The following SUGCT variants were observed in gnomAD, a reference collection of about 807,000 sequenced individuals.
SUGCT encodes succinyl-CoA:glutarate-CoA transferase.
A neutral mutation model predicts 55.0 loss-of-function variants in SUGCT; 41 were observed. That is an observed-to-expected ratio of 0.74 (90% CI 0.58 to 0.97). The LOEUF (loss-of-function observed/expected upper bound fraction) is 0.97, where lower values mean the gene tolerates loss of function less well. SUGCT is among the 50% of genes least tolerant of loss of function. The pLI is 0.00. For synonymous variants in SUGCT, 187 were observed against 200.4 expected, an observed-to-expected ratio of 0.93 and a Z score of 0.56; for missense variants, 568 against 547.8, an observed-to-expected ratio of 1.04 and a Z score of -0.37.
At chr7:40,787,446 C>T (rs1020513962) in intron 13 of SUGCT, among the ~76,000 whole-genome samples, 1 of 151,668 alleles carries the variant, frequency 6.6e-6, no homozygotes, top group Non-Finnish European at 1.5e-5. Flanking sequence ...AAGCAGTCAG[C>T]ACATACGGGG....
chr7:40,842,858 A>G (rs1388155851), intron 13 of SUGCT, among the ~76,000 whole-genome samples: 5 of 152,218 alleles, frequency 3.3e-5, no homozygotes, highest in African/African-American at 7.2e-5. Context: ...GTGAGAACAG[A>G]CACATTGCAT....
At chr7:40,654,331 C>T (rs1443233250) in intron 12 of SUGCT, among the ~76,000 whole-genome samples, 6 of 152,150 alleles carry the variant, frequency 3.9e-5, no homozygotes, top group Non-Finnish European at 8.8e-5. Context: ...AACGAGAAAG[C>T]TCCTTGTTAG....
the SUGCT span, among the ~76,000 whole-genome samples, chr7:40,971,207 C>T: frequency 5.9e-3 from 890 of 152,116 alleles, 9 homozygotes; most frequent in African/African-American, 0.015. Context: ...CAAGAGAGAG[C>T]GATGCGGGAG....
At chr7:40,334,760 G>A (rs1796580916) in intron 9 of SUGCT, among the ~76,000 whole-genome samples, 1 of 152,172 alleles carries the variant, frequency 6.6e-6, no homozygotes, top group Admixed American at 6.5e-5. Flanking sequence ...TGTTTAATTA[G>A]ATCCCATTTG....
intron 12 of SUGCT, among the ~76,000 whole-genome samples, chr7:40,736,640 C>T (rs1787177560): frequency 6.6e-6 from 1 of 151,958 alleles, no homozygotes; most frequent in Non-Finnish European, 1.5e-5. Flanking sequence ...TCATGGCTGA[C>T]TTCTTGAAAA....
chr7:40,386,213 A>G (rs1371885999), intron 9 of SUGCT, among the ~76,000 whole-genome samples: 1 of 152,216 alleles, frequency 6.6e-6, no homozygotes, highest in African/African-American at 2.4e-5. Context: ...ATGTTTTCAG[A>G]AAGCCCCTGA....
chr7:40,394,935 A>T (rs1785639981), intron 9 of SUGCT, among the ~76,000 whole-genome samples: 2 of 152,232 alleles, frequency 1.3e-5, no homozygotes, highest in Admixed American at 6.5e-5. Flanking sequence ...ATGGACACTT[A>T]AGTTGATTCC....
At chr7:40,271,908 A>G (rs1280656109) in intron 7 of SUGCT, among the ~76,000 whole-genome samples, 2 of 151,548 alleles carry the variant, frequency 1.3e-5, no homozygotes, top group African/African-American at 4.8e-5. Flanking sequence ...GTTAGCTTCC[A>G]CATCTGAGTC....
chr7:40,629,571 A>G (rs1011880009), intron 12 of SUGCT, among the ~76,000 whole-genome samples: 2 of 152,138 alleles, frequency 1.3e-5, no homozygotes, highest in Non-Finnish European at 2.9e-5. Flanking sequence ...TTTGAAGGCC[A>G]TTATAGAGGG....
chr7:40,364,942 G>A (rs1196344635), intron 9 of SUGCT, among the ~76,000 whole-genome samples: 1 of 151,986 alleles, frequency 6.6e-6, no homozygotes, highest in Non-Finnish European at 1.5e-5. Context: ...TACCAAAGCC[G>A]GGCAGAGACA....
intron 12 of SUGCT, among the ~76,000 whole-genome samples, chr7:40,702,165 A>T: frequency 6.6e-6 from 1 of 152,214 alleles, no homozygotes; most frequent in East Asian, 1.9e-4. Context: ...AGGCAGCCAG[A>T]CCTTCCTCAG....
intron 9 of SUGCT, among the ~76,000 whole-genome samples, chr7:40,349,795 C>T (rs1348779673): frequency 6.6e-6 from 1 of 152,172 alleles, no homozygotes; most frequent in East Asian, 1.9e-4. Context: ...ACTTCAGCCT[C>T]CTGAGTAGCC....
At chr7:40,968,157 T>G in the SUGCT span, 3 of 152,328 alleles carry the variant, frequency 2.0e-5, no homozygotes, top group East Asian at 5.8e-4. Flanking sequence ...TCCACAGCTT[T>G]AAGTCTTATT....
intron 12 of SUGCT, among the ~76,000 whole-genome samples, chr7:40,567,932 G>T (rs1182105911): frequency 1.3e-5 from 2 of 152,206 alleles, no homozygotes; most frequent in African/African-American, 4.8e-5. Flanking sequence ...TACAAAGAAA[G>T]ACTGTAACTT....
At chr7:40,435,926 CTTTCT>C (rs545282209) in intron 9 of SUGCT, among the ~76,000 whole-genome samples, 26 of 133,950 alleles carry the variant, frequency 1.9e-4, no homozygotes, top group Admixed American at 1.1e-3. Context: ...TTGCTGACTG[CTTTCT>C]TTTCTTTTCT....
At chr7:40,597,158 C>T (rs1027936592) in intron 12 of SUGCT, among the ~76,000 whole-genome samples, 3 of 152,110 alleles carry the variant, frequency 2.0e-5, no homozygotes, top group Non-Finnish European at 4.4e-5. Context: ...TGTTTTCCAT[C>T]GGATTCTGTT....
chr7:40,145,716 A>G (rs772241113), intron 1 of SUGCT, among the ~76,000 whole-genome samples: 1 of 152,224 alleles, frequency 6.6e-6, no homozygotes, highest in African/African-American at 2.4e-5. Flanking sequence ...TGTTCAGTCC[A>G]TATTAACTTA....
At chr7:40,138,244 AT>A (rs1217932843) in intron 1 of SUGCT, among the ~76,000 whole-genome samples, 1 of 152,124 alleles carries the variant, frequency 6.6e-6, no homozygotes, top group Non-Finnish European at 1.5e-5. Context: ...AGAACAGGCA[AT>A]ATTTGTTTTT....
At chr7:40,883,328 G>A in the SUGCT span, among the ~76,000 whole-genome samples, 1 of 152,216 alleles carries the variant, frequency 6.6e-6, no homozygotes, top group East Asian at 1.9e-4. Flanking sequence ...CTTCATGTGC[G>A]ACCTTGAGAA....
Sources: allele counts gnomAD v4.1 joint callset (sites outside exome capture counted in the v4.1 genomes callset), GRCh38; gene constraint gnomAD v4.1.1; transcripts MANE v1.5; gene names NCBI Gene and HGNC (gene_info 2026-07-23, HGNC 2026-07-21).